Variants in LRRC4 observed in about 807,000 individuals in gnomAD.
LRRC4 encodes leucine-rich repeat-containing protein 4.
In LRRC4, 11 loss-of-function variants were observed where a neutral mutation model predicts 37.9. That is an observed-to-expected ratio of 0.29 (90% CI 0.18 to 0.48). The LOEUF (loss-of-function observed/expected upper bound fraction) is 0.48, where lower values mean the gene tolerates loss of function less well. Ranked by LOEUF, LRRC4 falls within the 20% of genes least tolerant of loss-of-function variation. The pLI is 0.99. For synonymous variants in LRRC4, 404 were observed against 346.7 expected (o/e 1.17, Z -1.84); for missense variants, 717 against 842.1 (o/e 0.85, Z 1.84).
Position 128,030,590 on chromosome 7 carries a change from G to C in LRRC4, c.51C>G (p.Ile17Met), listed in dbSNP as rs377634897. 1 of 1,599,162 alleles carries C rather than the reference G, an allele frequency of 6.3e-7. No individual in the cohort carries two copies. The highest frequency in any genetic ancestry group is 8.5e-7 in the Non-Finnish European group (1 of 1,170,250). The stretch of plus-strand genomic sequence containing the variant: ...CCGTGAGGTAGACGAACGGGAGCAG[G>C]ATGGCATTCCAGGTGTGGTGGTGCA... ...VTVHHHTWNA[I>M]LLPFVYLTAQ... The change falls in exon 2 of 2, where the codon ATC becomes ATG. Residue 17 changes from isoleucine (I) to methionine (M), a missense_variant. By Grantham distance (10) the Ile-to-Met change is conservative. Transcript: ENST00000249363.
Position 128,029,518 on chromosome 7 carries a change from G to A in LRRC4, c.1123C>T (p.Arg375Trp), listed in dbSNP as rs201729343. The A allele has an allele frequency of 8.1e-6, 13 of 1,613,960 alleles. No homozygotes were observed. In the East Asian group the frequency reaches 8.9e-5, roughly 11 times the overall value. The change falls in exon 2 of 2, where the codon CGG becomes TGG. Residue 375 changes from arginine to tryptophan, a missense_variant. Physicochemically the swap from Arg to Trp is moderately radical, Grantham distance 101. Around this residue, in one of 5 missense-constraint regions of LRRC4, gnomAD observed 293 missense variants for 268.3 expected, o/e 1.09. Transcript: ENST00000249363. The surrounding 1 kb of genome is among the most constrained non-coding windows in gnomAD (Gnocchi z 4.2). Reference protein sequence around the residue: ...SEGRMAELKCRTPPMSSVKWL... With the variant: ...SEGRMAELKCWTPPMSSVKWL... ...TTCACGGAGGACATAGGGGGAGTCC[G>A]ACACTTAAGTTCTGCCATCCGACCC...
chr7:128,029,595 T>C lies in LRRC4; in HGVS notation c.1046A>G (p.Gln349Arg). 6.2e-7 allele frequency: 1 copy of C among 1,614,030 alleles called. No homozygotes were observed. Among genetic ancestry groups the C allele is most frequent in the Non-Finnish European group, 8.5e-7 (1 of 1,180,012 alleles). The change falls in exon 2 of 2, where the codon CAG (glutamine) becomes CGG (arginine). Residue 349 changes from glutamine (Q) to arginine (R), a missense_variant. This residue lies in a region of LRRC4 where 293 missense variants were observed against 268.3 expected (regional missense o/e 1.09). Transcript: ENST00000249363. This position sits in a 1 kb window ranked among gnomAD's most constrained non-coding sequence, Gnocchi z 4.2. The part of the protein sequence containing the change: ...YLVEVDQASF[Q>R]CSAPFIMDAP... ...GTCCATGATGAAGGGGGCAGAGCAC[T>C]GGAAGGAGGCCTGGTCCACCTCCAC...
At position 128,028,844 on chromosome 7, in the gene LRRC4, G is replaced by T; in HGVS notation, c.1797C>A (p.Pro599=). 1.2e-6 allele frequency: 2 copies of T among 1,614,146 alleles called. No individual in the cohort carries two copies. Among genetic ancestry groups the T allele is most frequent in the Admixed American group, 3.3e-5 (2 of 60,010 alleles). The change falls in exon 2 of 2, where the codon CCC becomes CCA. Residue 599 remains proline (P), a synonymous_variant. Coordinates refer to ENST00000249363, the MANE Select transcript of LRRC4 (RefSeq NM_022143.5). ...TGTAGTTAATATGGTCATGAATTGT[G>T]GGCAGCACTACTGCCCCCTCACCTG... is the stretch of plus-strand genomic sequence containing the variant. ...GVSGEGAVVL[P]TIHDHINYNT...
At position 128,028,832 on chromosome 7, in the gene LRRC4, G is replaced by A; in HGVS notation, c.1809C>T (p.Asp603=). The A allele has an allele frequency of 6.2e-7, 1 of 1,614,162 alleles. No individual in the cohort carries two copies. Among genetic ancestry groups the A allele is most frequent in the Non-Finnish European group, 8.5e-7 (1 of 1,180,022 alleles). ...EGAVVLPTIH[D]HINYNTYKPA... is the part of the protein sequence containing the mutation. ...GTTTGTAGGTGTTGTAGTTAATATGGTCATGAATTGTGGGCAGCACTACTG... is the reference window on the plus strand; with the variant it reads ...GTTTGTAGGTGTTGTAGTTAATATGATCATGAATTGTGGGCAGCACTACTG... Residue 603 remains aspartate (D), a synonymous_variant, in exon 2 of 2, where the codon GAC becomes GAT. Coordinates refer to ENST00000249363, the MANE Select transcript of LRRC4 (RefSeq NM_022143.5).
chr7:128,027,113 T>A lies in LRRC4; in HGVS notation c.*1566A>T, dbSNP rs1404648787. 1 of 152,616 alleles carries A rather than the reference T, an allele frequency of 6.6e-6. No homozygotes were observed. Among genetic ancestry groups the A allele is most frequent in the Admixed American group, 6.5e-5 (1 of 15,274 alleles). The allele number at this position is 152,616 out of a possible 1,614,324, so 9.5% of individuals were successfully genotyped here. A position where few individuals can be genotyped will look rare whatever the true frequency, so the allele number is the denominator to read the frequency against. On this transcript the variant is annotated 3_prime_UTR_variant, in exon 2 of 2. Coordinates refer to ENST00000249363, the MANE Select transcript of LRRC4 (RefSeq NM_022143.5). ...TTTATTAAAATACAAAAATACACTT[T>A]TCTCACATTACAATCAGTGTTCTTT...
Position 128,028,594 on chromosome 7 carries a change from GAA to G in LRRC4, c.*83_*84del, listed in dbSNP as rs1303095039. 13 of 1,294,842 alleles carry G rather than the reference GAA, an allele frequency of 1.0e-5. No individual in the cohort carries two copies. Among genetic ancestry groups the G allele is most frequent in the African/African-American group, 1.5e-5 (1 of 67,112 alleles). 80.2% of individuals were successfully genotyped at this position (1,294,842 alleles called of 1,614,324 possible). ...AGACTTAATATATAAGCATATACAA[GAA>G]AAAGTCTCTCCCCACTCTGTACAAA... is the stretch of plus-strand genomic sequence containing the variant. On this transcript the variant is annotated 3_prime_UTR_variant, in exon 2 of 2. Coordinates refer to ENST00000249363, the MANE Select transcript of LRRC4 (RefSeq NM_022143.5).
rs1435530201 is a variant in LRRC4, at chr7:128,028,903, A to G, written c.1738T>C (p.Ser580Pro). 3 of 1,613,502 alleles carry G rather than the reference A, an allele frequency of 1.9e-6. No individual in the cohort carries two copies. The highest frequency in any genetic ancestry group is 2.5e-6 in the Non-Finnish European group (3 of 1,179,608). The change falls in exon 2 of 2, where the codon TCC (serine) becomes CCC (proline). Residue 580 changes from serine to proline, a missense_variant. Transcript: ENST00000249363. ...GACGGAGCTGCTGTTGCTGCTGCGG[A>G]TGTTGCTGCTGGGATGTCTTCGTCC... ...QVDEDIPAAT[S>P]AAATAAPSGV...
chr7:128,031,468 G>A (rs1409099290), upstream of LRRC4: 2 of 151,776 alleles, frequency 1.3e-5, no homozygotes, highest in East Asian at 1.9e-4. Context: ...GAGTTAAGAG[G>A]AGGTGTTCGC....
In LRRC4 at chr7:128,027,110, C is replaced by G. The variant is rs550688301; in HGVS notation, c.*1569G>C. ...ATATTTATTAAAATACAAAAATACA[C>G]TTTTCTCACATTACAATCAGTGTTC... On this transcript the variant is annotated 3_prime_UTR_variant, in exon 2 of 2. Transcript: ENST00000249363. 6.5e-6 allele frequency: 1 copy of G among 152,690 alleles called. No homozygotes were observed. The highest frequency in any genetic ancestry group is 2.1e-4 in the South Asian group (1 of 4,822). 9.5% of individuals were successfully genotyped at this position (152,690 alleles called of 1,614,324 possible). A position where few individuals can be genotyped will look rare whatever the true frequency, so the allele number is the denominator to read the frequency against.
Position 128,030,035 on chromosome 7 carries a change from G to A in LRRC4, c.606C>T (p.Asn202=), listed in dbSNP as rs759912275. 19 of 1,613,262 alleles carry A rather than the reference G, an allele frequency of 1.2e-5. No individual in the cohort carries two copies. The South Asian group carries it at 1.9e-4, about 16-fold the overall frequency. The change falls in exon 2 of 2, where the codon AAC becomes AAT. Residue 202 remains asparagine, a synonymous_variant. Coordinates refer to ENST00000249363, the MANE Select transcript of LRRC4 (RefSeq NM_022143.5). ...TGTCTTTAATGTTGCACATGCCCAA[G>A]TTCAGATACTTGAGGTTGAACAGCC... is the stretch of plus-strand genomic sequence containing the variant. ...FEGLFNLKYL[N]LGMCNIKDMP... is the part of the protein sequence containing the mutation.
In LRRC4 at chr7:128,030,360, G is replaced by C. The variant is rs1181040964; in HGVS notation, c.281C>G (p.Thr94Ser). The C allele has an allele frequency of 6.2e-7, 1 of 1,614,038 alleles. No individual in the cohort carries two copies. Among genetic ancestry groups the C allele is most frequent in the Non-Finnish European group, 8.5e-7 (1 of 1,180,034 alleles). ...ENNIQMIQAD[T>S]FRHLHHLEVL... ...CTCCAGGTGGTGGAGGTGGCGGAAG[G>C]TGTCGGCCTGGATCATCTGGATGTT... Residue 94 changes from threonine (T) to serine (S), a missense_variant, in exon 2 of 2, where the codon ACC becomes AGC. Thr to Ser is a moderately conservative substitution (Grantham distance 58). Transcript: ENST00000249363.
Position 128,028,424 on chromosome 7 carries a change from C to A in LRRC4, c.*255G>T. On this transcript the variant is annotated 3_prime_UTR_variant, in exon 2 of 2. Transcript: ENST00000249363. ...CCAGAAATCCCTTCTGGCAGCATAG[C>A]AAGTTAACTTGTGGCTTGTACCCCA... 1 of 377,012 alleles carries A rather than the reference C, an allele frequency of 2.7e-6. No individual in the cohort carries two copies. Among genetic ancestry groups the A allele is most frequent in the Non-Finnish European group, 4.8e-6 (1 of 210,526 alleles). 23.4% of individuals were successfully genotyped at this position (377,012 alleles called of 1,614,324 possible).
rs1159299978 is a variant in LRRC4 at position 128,029,340 on chromosome 7, T to C, written c.1301A>G (p.Asn434Ser). Residue 434 changes from asparagine to serine, a missense_variant, in exon 2 of 2, where the codon AAC (asparagine) becomes AGC (serine). Physicochemically the swap from Asn to Ser is conservative, Grantham distance 46. Coordinates refer to ENST00000249363, the MANE Select transcript of LRRC4 (RefSeq NM_022143.5). This position sits in a 1 kb window ranked among gnomAD's most constrained non-coding sequence, Gnocchi z 4.2. Reference protein sequence around the residue: ...CMVTNVAGNSNASAYLNVSTA... With the variant: ...CMVTNVAGNSSASAYLNVSTA... ...GCTCACATTGAGGTAGGCCGAGGCG[T>C]TGGAGTTGCCTGCAACATTGGTCAC... The C allele has an allele frequency of 6.2e-7, 1 of 1,614,146 alleles. No homozygotes were observed. The highest frequency in any genetic ancestry group is 1.3e-5 in the African/African-American group (1 of 75,016).
At position 128,028,936 on chromosome 7, in the gene LRRC4, T is replaced by C; in HGVS notation, c.1705A>G (p.Ile569Val). The C allele has an allele frequency of 1.2e-6, 2 of 1,610,476 alleles. No individual in the cohort carries two copies. The highest frequency in any genetic ancestry group is 1.7e-6 in the Non-Finnish European group (2 of 1,177,814). Residue 569 changes from isoleucine to valine, a missense_variant, in exon 2 of 2, where the codon ATC (isoleucine) becomes GTC (valine). Physicochemically the swap from Ile to Val is conservative, Grantham distance 29 (BLOSUM62 3). Transcript: ENST00000249363. ...TVTAARTVEI[I>V]QVDEDIPAAT... ...GCTGGGATGTCTTCGTCCACCTGGA[T>C]TATCTCAACAGTCCGGGCGGCTGTG...
rs909593204 is a variant in LRRC4 at position 128,027,843 on chromosome 7, C to T, written c.*836G>A. ...GCCGCACCCCTTCAGGGGCCTCCTCCTCCTGGGAAACCCTGAATAGACACA... is the reference window on the plus strand; with the variant it reads ...GCCGCACCCCTTCAGGGGCCTCCTCTTCCTGGGAAACCCTGAATAGACACA... On this transcript the variant is annotated 3_prime_UTR_variant, in exon 2 of 2. Coordinates refer to ENST00000249363, the MANE Select transcript of LRRC4 (RefSeq NM_022143.5). The T allele has an allele frequency of 1.3e-5, 2 of 152,166 alleles. No homozygotes were observed. Among genetic ancestry groups the T allele is most frequent in the Admixed American group, 6.5e-5 (1 of 15,278 alleles). The allele number at this position is 152,166 out of a possible 1,614,324, so 9.4% of individuals were successfully genotyped here.
rs1290614145 is a variant in LRRC4, at chr7:128,029,277, G to A, written c.1364C>T (p.Thr455Ile). Residue 455 changes from threonine (T) to isoleucine (I), a missense_variant, in exon 2 of 2, where the codon ACC (threonine) becomes ATC (isoleucine). This residue lies in a region of LRRC4 where 293 missense variants were observed against 268.3 expected (regional missense o/e 1.09). Transcript: ENST00000249363. The surrounding 1 kb of genome is among the most constrained non-coding windows in gnomAD (Gnocchi z 4.2). The part of the protein sequence containing the change: ...ELNTSNYSFF[T>I]TVTVETTEIS... ...CTCCGTGGTCTCCACTGTTACTGTG[G>A]TGAAGAAGCTGTAGTTGGAGGTGTT... 3 of 1,614,196 alleles carry A rather than the reference G, an allele frequency of 1.9e-6. No homozygotes were observed. Among genetic ancestry groups the A allele is most frequent in the South Asian group, 1.1e-5 (1 of 91,080 alleles).
In LRRC4 at chr7:128,029,629, G is replaced by T. The variant is rs762377500; in HGVS notation, c.1012C>A (p.Arg338Ser). ...RCHAPMHMRGRYLVEVDQASF... is the reference protein window; with the variant it reads ...RCHAPMHMRGSYLVEVDQASF... The stretch of plus-strand genomic sequence containing the variant: ...GCCTGGTCCACCTCCACGAGGTAGC[G>T]GCCTCGCATGTGCATGGGAGCATGA... Residue 338 changes from arginine to serine, a missense_variant, in exon 2 of 2, where the codon CGC (arginine) becomes AGC (serine). This residue lies in a region of LRRC4 where 293 missense variants were observed against 268.3 expected (regional missense o/e 1.09). Transcript: ENST00000249363. This position sits in a 1 kb window ranked among gnomAD's most constrained non-coding sequence, Gnocchi z 4.2. 1 of 1,614,024 alleles carries T rather than the reference G, an allele frequency of 6.2e-7. No homozygotes were observed. The highest frequency in any genetic ancestry group is 8.5e-7 in the Non-Finnish European group (1 of 1,180,002).
chr7:128,030,088 C>T lies in LRRC4; in HGVS notation c.553G>A (p.Glu185Lys). 1 of 1,613,778 alleles carries T rather than the reference C, an allele frequency of 6.2e-7. No homozygotes were observed. Among genetic ancestry groups the T allele is most frequent in the Non-Finnish European group, 8.5e-7 (1 of 1,180,056 alleles). ...RLDLGELKKLEYISEGAFEGL... is the reference protein window; with the variant it reads ...RLDLGELKKLKYISEGAFEGL... Reference sequence around the variant, plus strand: ...TCAAAAGCTCCCTCAGAGATATACTCCAGCTTCTTGAGCTCCCCCAAGTCC... The same window carrying T: ...TCAAAAGCTCCCTCAGAGATATACTTCAGCTTCTTGAGCTCCCCCAAGTCC... The change falls in exon 2 of 2, where the codon GAG becomes AAG. Residue 185 changes from glutamate (E) to lysine (K), a missense_variant. Glu to Lys is a moderately conservative substitution (Grantham distance 56, BLOSUM62 1). Transcript: ENST00000249363.
Position 128,030,144 on chromosome 7 carries a change from G to A in LRRC4, c.497C>T (p.Ala166Val), listed in dbSNP as rs747144236. The A allele has an allele frequency of 6.2e-7, 1 of 1,614,208 alleles. No homozygotes were observed. Among genetic ancestry groups the A allele is most frequent in the East Asian group, 2.2e-5 (1 of 44,884 alleles). Residue 166 changes from alanine (A) to valine (V), a missense_variant, in exon 2 of 2, where the codon GCC becomes GTC. By Grantham distance (64) the Ala-to-Val change is moderately conservative. Coordinates refer to ENST00000249363, the MANE Select transcript of LRRC4 (RefSeq NM_022143.5). ...CATGAGGGAGGGCACCCGGTTGAAG[G>A]CGTAAGAGGGGATGCTTTCGATGGG... is the stretch of plus-strand genomic sequence containing the variant. Reference protein sequence around the residue: ...NNPIESIPSYAFNRVPSLMRL... With the variant: ...NNPIESIPSYVFNRVPSLMRL...
Sources: allele counts gnomAD v4.1 joint callset, GRCh38; gene constraint gnomAD v4.1.1; regional missense constraint gnomAD v4.1.1; non-coding constraint Gnocchi (gnomAD v3.1); transcripts MANE v1.5; gene names NCBI Gene and HGNC (gene_info 2026-07-23, HGNC 2026-07-21).